CAMK2D: variants seen among roughly 807,000 people sequenced by gnomAD.
CAMK2D encodes the protein calcium/calmodulin dependent protein kinase II delta.
In CAMK2D, 37 loss-of-function variants were observed where a neutral mutation model predicts 84.0. The ratio of observed to expected loss-of-function variants is 0.44; its 90% confidence interval spans 0.34 to 0.58. The LOEUF (loss-of-function observed/expected upper bound fraction) is 0.58. Among genes scored for constraint, CAMK2D ranks in the 20% least tolerant of loss-of-function variants. The pLI is 0.02. For missense variants in CAMK2D, 448 were observed against 652.5 expected, an observed-to-expected ratio of 0.69 and a Z score of 3.41; for synonymous variants, 202 against 212.5, an observed-to-expected ratio of 0.95 and a Z score of 0.43.
intron 4 of CAMK2D, among the ~76,000 whole-genome samples, chr4:113,555,298 G>T (rs2098657139): frequency 6.6e-6 from 1 of 152,184 alleles, no homozygotes; most frequent in African/African-American, 2.4e-5. Context: ...TGCTCGAGGT[G>T]GTGGGGGAAA....
intron 3 of CAMK2D, among the ~76,000 whole-genome samples, chr4:113,651,740 T>C (rs535993943): frequency 6.6e-6 from 1 of 152,312 alleles, no homozygotes; most frequent in South Asian, 2.1e-4. Flanking sequence ...CATTGTTTTC[T>C]GACAATTATT....
At chr4:113,676,890 A>G (rs1246207310) in intron 2 of CAMK2D, among the ~76,000 whole-genome samples, 1 of 152,120 alleles carries the variant, frequency 6.6e-6, no homozygotes, top group Non-Finnish European at 1.5e-5. Flanking sequence ...CTGGGTCTTC[A>G]TTTCTTCATG....
At chr4:113,522,557 G>A (rs2098375197) in intron 8 of CAMK2D, among the ~76,000 whole-genome samples, 1 of 152,174 alleles carries the variant, frequency 6.6e-6, no homozygotes, top group Non-Finnish European at 1.5e-5. Context: ...TCTATGCCAT[G>A]TAGTAGGAGT....
chr4:113,606,787 T>C (rs975465217), intron 4 of CAMK2D, among the ~76,000 whole-genome samples: 2 of 151,758 alleles, frequency 1.3e-5, no homozygotes, highest in African/African-American at 4.8e-5. Flanking sequence ...CTAAGTGAGC[T>C]CCAAATAAGT....
Position 113,523,640 on chromosome 4 carries a change from T to C in CAMK2D, c.602-5983A>G, listed in dbSNP as rs113220424. ...GTAAAAAATTAGCAGGGTGTGGTGG[T>C]GTGCACCTGTAGTCCCCACTACAGG... On this transcript the variant is annotated intron_variant, in intron 8 of 20. Coordinates refer to ENST00000511664, the MANE Select transcript of CAMK2D (RefSeq NM_001321571.2). Among the ~76,000 whole-genome samples, 311 of 152,042 alleles carry C rather than the reference T, an allele frequency of 2.0e-3. 1 individual carries two copies. Among genetic ancestry groups the C allele is most frequent in the African/African-American group, 7.0e-3 (292 of 41,476 alleles).
intron 4 of CAMK2D, among the ~76,000 whole-genome samples, chr4:113,600,218 C>T (rs546038648): frequency 1.2e-4 from 19 of 152,174 alleles, no homozygotes; most frequent in Middle Eastern, 3.4e-3. Flanking sequence ...GGTTACAGAA[C>T]GTCACACATT....
At chr4:113,714,455 C>T (rs2099507057) in intron 2 of CAMK2D, among the ~76,000 whole-genome samples, 2 of 152,032 alleles carry the variant, frequency 1.3e-5, no homozygotes, top group South Asian at 4.1e-4. Context: ...GTTCAGGATG[C>T]CATCCCAAAA....
At chr4:113,680,105 C>T (rs1397017961) in intron 2 of CAMK2D, among the ~76,000 whole-genome samples, 2 of 152,068 alleles carry the variant, frequency 1.3e-5, no homozygotes, top group Non-Finnish European at 2.9e-5. Context: ...CAGGATCTTG[C>T]TACATTGCCC....
intron 8 of CAMK2D, among the ~76,000 whole-genome samples, chr4:113,529,756 T>C (rs935025388): frequency 6.6e-6 from 1 of 152,174 alleles, no homozygotes; most frequent in African/African-American, 2.4e-5. Context: ...CCCCTCGGGA[T>C]GGTCAATTTC....
intron 4 of CAMK2D, among the ~76,000 whole-genome samples, chr4:113,580,430 A>C (rs2098802460): frequency 6.6e-6 from 1 of 152,226 alleles, no homozygotes; most frequent in Admixed American, 6.5e-5. Context: ...GTATTGATTT[A>C]GTACTGATTC....
intron 3 of CAMK2D, among the ~76,000 whole-genome samples, chr4:113,653,211 T>C (rs572297837): frequency 1.3e-5 from 2 of 152,196 alleles, no homozygotes; most frequent in Non-Finnish European, 2.9e-5. Context: ...TAGAATTTTT[T>C]GAACATATTT....
chr4:113,500,183 C>G (rs2098014162), intron 16 of CAMK2D, among the ~76,000 whole-genome samples: 1 of 152,074 alleles, frequency 6.6e-6, no homozygotes, highest in Non-Finnish European at 1.5e-5. Flanking sequence ...GTTCCTATAA[C>G]TAGTAACTCA....
chr4:113,733,759 A>G (rs2099574663), intron 2 of CAMK2D, among the ~76,000 whole-genome samples: 2 of 152,298 alleles, frequency 1.3e-5, no homozygotes, highest in South Asian at 4.1e-4. Flanking sequence ...TAGCTTTTAA[A>G]CTGTGAAATT....
chr4:113,589,441 G>T (rs1238323222), intron 4 of CAMK2D, among the ~76,000 whole-genome samples: 2 of 152,130 alleles, frequency 1.3e-5, no homozygotes, highest in African/African-American at 4.8e-5. Context: ...CATGCACCAG[G>T]CTATGAGTAA....
At chr4:113,718,922 G>C (rs2099521963) in intron 2 of CAMK2D, among the ~76,000 whole-genome samples, 1 of 151,954 alleles carries the variant, frequency 6.6e-6, no homozygotes, top group Admixed American at 6.6e-5. Context: ...ATTTTTTTGA[G>C]AAAGAAACCT....
chr4:113,660,881 C>G (rs895365540), intron 3 of CAMK2D, among the ~76,000 whole-genome samples: 1 of 151,432 alleles, frequency 6.6e-6, no homozygotes. Context: ...CTGCAAGCTC[C>G]GCCTCCCGGG....
intron 3 of CAMK2D, among the ~76,000 whole-genome samples, chr4:113,617,441 C>T (rs982238279): frequency 6.1e-5 from 9 of 147,678 alleles, no homozygotes; most frequent in Admixed American, 1.4e-4. Context: ...CCAGACTGAG[C>T]AACAGAGTGA....
chr4:113,494,396 G>T (rs2097894678), intron 16 of CAMK2D, among the ~76,000 whole-genome samples: 1 of 152,100 alleles, frequency 6.6e-6, no homozygotes, highest in Non-Finnish European at 1.5e-5. Flanking sequence ...GGAGTACCCT[G>T]CCGTGTGAGG....
chr4:113,616,487 G>A (rs538993326), intron 3 of CAMK2D, among the ~76,000 whole-genome samples: 25 of 152,240 alleles, frequency 1.6e-4, no homozygotes, highest in Admixed American at 2.6e-4. Flanking sequence ...CCTTTTATAA[G>A]CCAGCACTAA....
Sources: gnomAD v4.1 joint callset for allele counts (sites outside exome capture counted in the v4.1 genomes callset) on GRCh38, gnomAD v4.1.1 for gene constraint, MANE v1.5 for transcripts, NCBI Gene and HGNC (gene_info 2026-07-23, HGNC 2026-07-21) for gene names.